Variants in ATP2C2 observed in about 807,000 individuals in gnomAD.
The protein encoded by ATP2C2 is calcium-transporting ATPase type 2C member 2.
Under a neutral mutation model 110.8 loss-of-function variants are expected in ATP2C2, and 171 were observed. The ratio of observed to expected loss-of-function variants is 1.54; its 90% CI spans 1.36 to 1.75. The LOEUF is 1.75. Ranked by LOEUF, ATP2C2 falls within the 40% of genes most tolerant of loss-of-function variation. The pLI, the probability that ATP2C2 is intolerant of heterozygous loss-of-function variation, is 0.00. For synonymous variants in ATP2C2, 804 were observed against 508.4 expected, an observed-to-expected ratio of 1.58 and a Z score of -7.82; for missense variants, 1,963 against 1,235.0, an observed-to-expected ratio of 1.59 and a Z score of -8.84.
At chr16:84,402,368 G>A (rs1905384615) in intron 2 of ATP2C2, among the ~76,000 whole-genome samples, 2 of 152,152 alleles carry the variant, frequency 1.3e-5, no homozygotes, top group Admixed American at 1.3e-4. Context: ...TTGAATAGTA[G>A]TGGTAAAAGT....
intron 11 of ATP2C2, among the ~76,000 whole-genome samples, chr16:84,430,829 G>A (rs1434153939): frequency 1.3e-5 from 2 of 151,930 alleles, no homozygotes; most frequent in African/African-American, 2.4e-5. Flanking sequence ...CACAACTTAT[G>A]GGATCAGGGC....
rs200753969 is a variant in ATP2C2, at chr16:84,454,779, C to T, written c.1981-39C>T. On this transcript the variant is annotated intron_variant, in intron 20 of 26. Coordinates refer to ENST00000262429, the MANE Select transcript of ATP2C2 (RefSeq NM_014861.4). The stretch of plus-strand genomic sequence containing the variant: ...GCATGGCCGGGCACTGGGAGGTGGT[C>T]GTCAGGCTGCAGGCCTTCATTGCCT... 3.5e-5 allele frequency: 54 copies of T among 1,532,612 alleles called. 1 individual carries two copies. Among genetic ancestry groups the T allele is most frequent in the African/African-American group, 1.9e-4 (14 of 71,870 alleles). The allele number at this position is 1,532,612 out of a possible 1,614,324, so 94.9% of individuals were successfully genotyped here.
intron 10 of ATP2C2, among the ~76,000 whole-genome samples, chr16:84,423,575 G>T (rs1275059685): frequency 1.3e-5 from 2 of 152,230 alleles, no homozygotes; most frequent in Admixed American, 6.5e-5. Context: ...TACAAACAGT[G>T]ACTTGGGCCC....
At chr16:84,412,041 G>C (rs573461770) in intron 6 of ATP2C2, among the ~76,000 whole-genome samples, 1 of 148,048 alleles carries the variant, frequency 6.8e-6, no homozygotes, top group African/African-American at 2.5e-5. Context: ...ACAGGGTCTG[G>C]CTCTGTTGCC....
chr16:84,462,025 A>G lies in ATP2C2; in HGVS notation c.2618A>G (p.His873Arg). 1 of 1,613,876 alleles carries G rather than the reference A, an allele frequency of 6.2e-7. No homozygotes were observed. Among genetic ancestry groups the G allele is most frequent in the Non-Finnish European group, 8.5e-7 (1 of 1,179,896 alleles). Residue 873 changes from histidine (H) to arginine (R), a missense_variant, in exon 26 of 27, where the codon CAC (histidine) becomes CGC (arginine). Transcript: ENST00000262429. ...LIFEIGFLRN[H>R]MFLYSVLGSI... ...TTTGAGATCGGCTTTCTCAGGAACC[A>G]CATGTTCCTCTACTCCGTCCTGGGG...
Position 84,452,090 on chromosome 16 carries a change from A to T in ATP2C2, c.1830A>T (p.Ile610=), listed in dbSNP as rs1910335155. Residue 610 remains isoleucine, a splice_region_variant and synonymous_variant, in exon 18 of 27, where the codon ATA becomes ATT. Transcript: ENST00000262429. ...TGDALETALA[I]GRNIGLCNGK... The stretch of plus-strand genomic sequence containing the variant: ...ATGCCCTGGAGACGGCCTTGGCCAT[A>T]GGTAACTGGGACAGGGTCGGGGGTG... 1 of 1,613,870 alleles carries T rather than the reference A, an allele frequency of 6.2e-7. No homozygotes were observed. The highest frequency in any genetic ancestry group is 8.5e-7 in the Non-Finnish European group (1 of 1,180,000).
At chr16:84,420,505 T>G (rs1436349105) in intron 7 of ATP2C2, among the ~76,000 whole-genome samples, 1 of 151,200 alleles carries the variant, frequency 6.6e-6, no homozygotes, top group Non-Finnish European at 1.5e-5. Context: ...CTTCATTGTT[T>G]AGAAATGTTT....
At chr16:84,452,497 C>CTTTTTTTTT (rs397816630) in intron 18 of ATP2C2, among the ~76,000 whole-genome samples, 1 of 118,360 alleles carries the variant, frequency 8.4e-6, no homozygotes. Context: ...CCTCTAGTTA[C>CTTTTTTTTT]TTTTTTTTTT....
chr16:84,448,440 T>C, intron 16 of ATP2C2, 93 bp from the exon 17 acceptor site: 1 of 1,415,626 alleles, frequency 7.1e-7, no homozygotes, highest in Non-Finnish European at 9.6e-7. Flanking sequence ...GATCCCCGTG[T>C]GTGTCTTTGT....
chr16:84,386,077 G>A (rs1904316870), intron 1 of ATP2C2, among the ~76,000 whole-genome samples: 1 of 152,062 alleles, frequency 6.6e-6, no homozygotes, highest in Admixed American at 6.6e-5. Context: ...TTCCCTTTCT[G>A]GCATAATGAG....
rs77365704 is a variant in ATP2C2 at position 84,449,356 on chromosome 16, C to A, written c.1660+667C>A. 8.6e-3 allele frequency among the ~76,000 whole-genome samples: 1,308 copies of A among 152,338 alleles called. 8 individuals are homozygous for A. The highest frequency in any genetic ancestry group is 0.013 in the Non-Finnish European group (863 of 68,024). On this transcript the variant is annotated intron_variant, in intron 17 of 26. Transcript: ENST00000262429. Reference sequence around the variant, plus strand: ...GCTTTCTGGGGCACAGTGAAGCCAGCGCCGAGCACGTGTCCCCTCTTCCCG... The same window carrying A: ...GCTTTCTGGGGCACAGTGAAGCCAGAGCCGAGCACGTGTCCCCTCTTCCCG...
chr16:84,461,875 G>C, intron 25 of ATP2C2, 63 bp downstream of exon 25: 1 of 1,608,340 alleles, frequency 6.2e-7, no homozygotes, highest in Non-Finnish European at 8.5e-7. Context: ...GCAGCGCCCC[G>C]ACCCTGCCCG....
At chr16:84,444,655 G>A (rs932947676) in intron 15 of ATP2C2, among the ~76,000 whole-genome samples, 2 of 152,238 alleles carry the variant, frequency 1.3e-5, no homozygotes, top group African/African-American at 4.8e-5. Flanking sequence ...CCGCCTGGCA[G>A]GAATGACACC....
chr16:84,448,479 G>C, intron 16 of ATP2C2, 54 bp from the exon 17 acceptor site: 2 of 1,564,030 alleles, frequency 1.3e-6, no homozygotes, highest in East Asian at 2.3e-5. Context: ...GTGATGGTCA[G>C]TATGAACCAA....
At position 84,398,736 on chromosome 16, in the gene ATP2C2, A is replaced by G; in HGVS notation, c.210+127A>G. 4 of 731,780 alleles carry G rather than the reference A, an allele frequency of 5.5e-6. 1 individual carries two copies. In the South Asian group the frequency reaches 8.3e-5, roughly 15 times the overall value. The allele number at this position is 731,780 out of a possible 1,614,324, so 45.3% of individuals were successfully genotyped here. A position where few individuals can be genotyped will look rare whatever the true frequency, so the allele number is the denominator to read the frequency against. ...ATCAATTTTATCATCAAGGTTGGAAAATATTGTTGATGTTGAATGGTTCAG... is the reference window on the plus strand; with the variant it reads ...ATCAATTTTATCATCAAGGTTGGAAGATATTGTTGATGTTGAATGGTTCAG... On this transcript the variant is annotated intron_variant, in intron 2 of 26. Transcript: ENST00000262429.
intron 26 of ATP2C2, 118 bp downstream of exon 26, chr16:84,462,247 G>A: frequency 7.3e-7 from 1 of 1,369,908 alleles, no homozygotes; most frequent in Non-Finnish European, 9.9e-7. Context: ...AGCTCACCAG[G>A]GGCCGGCTCT....
Position 84,459,384 on chromosome 16 carries a change from G to C in ATP2C2, c.2331G>C (p.Gln777His), listed in dbSNP as rs749631231. 2 of 1,613,998 alleles carry C rather than the reference G, an allele frequency of 1.2e-6. No homozygotes were observed. The highest frequency in any genetic ancestry group is 4.5e-5 in the East Asian group (2 of 44,872). ...TCATCATGGATGGGCCACCGGCGCA[G>C]AGGTGAGGCAGGGCCGGCTGGGAGC... is the stretch of plus-strand genomic sequence containing the variant. ...INIIMDGPPA[Q>H]SLGVEPVDKD... Residue 777 changes from glutamine to histidine, a missense_variant and splice_region_variant, in exon 23 of 27, where the codon CAG (glutamine) becomes CAC (histidine). Physicochemically the swap from Gln to His is conservative, Grantham distance 24. Transcript: ENST00000262429.
intron 1 of ATP2C2, among the ~76,000 whole-genome samples, chr16:84,395,168 A>T (rs1456936100): frequency 6.6e-6 from 1 of 151,790 alleles, no homozygotes; most frequent in East Asian, 1.9e-4. Context: ...GGTGGCTTTT[A>T]CTCACAGAGG....
rs149680316 is a variant in ATP2C2 at position 84,389,825 on chromosome 16, G to T, written c.100-8674G>T. 6.3e-3 allele frequency among the ~76,000 whole-genome samples: 957 copies of T among 150,972 alleles called. 12 individuals are homozygous for T. The highest frequency in any genetic ancestry group is 0.02 in the African/African-American group (824 of 41,098). ...AACCTCTGCCTCCTGGGTCCAAGCAGTTCTCCTGCCTCAGCCTCCCGAGTA... is the reference window on the plus strand; with the variant it reads ...AACCTCTGCCTCCTGGGTCCAAGCATTTCTCCTGCCTCAGCCTCCCGAGTA... On this transcript the variant is annotated intron_variant, in intron 1 of 26. Coordinates refer to ENST00000262429, the MANE Select transcript of ATP2C2 (RefSeq NM_014861.4).
Sources: gnomAD v4.1 joint callset for allele counts (sites outside exome capture counted in the v4.1 genomes callset) on GRCh38, gnomAD v4.1.1 for gene constraint, MANE v1.5 for transcripts, NCBI Gene and HGNC (gene_info 2026-07-23, HGNC 2026-07-21) for gene names.